The following ZNF354A variants were observed in gnomAD, a reference collection of about 807,000 sequenced individuals.
ZNF354A encodes zinc finger protein 354A.
Under a neutral mutation model 53.3 loss-of-function variants are expected in ZNF354A, and 25 were observed. The ratio of observed to expected loss-of-function variants is 0.47; its 90% CI spans 0.34 to 0.66. The LOEUF (loss-of-function observed/expected upper bound fraction) is 0.66, where lower values mean the gene tolerates loss of function less well. ZNF354A is among the 30% of genes least tolerant of loss of function. The pLI, the probability that ZNF354A is intolerant of heterozygous loss-of-function variation, is 0.01. For synonymous variants in ZNF354A, 228 were observed against 249.0 expected, an observed-to-expected ratio of 0.92 and a Z score of 0.79; for missense variants, 586 against 716.8, an observed-to-expected ratio of 0.82 and a Z score of 2.08.
chr5:178,712,217 G>C lies in ZNF354A; in HGVS notation c.1661C>G (p.Thr554Arg). The change falls in exon 5 of 5, where the codon ACA becomes AGA. Residue 554 changes from threonine to arginine, a missense_variant. Physicochemically the swap from Thr to Arg is moderately conservative, Grantham distance 71. This residue lies in a region of ZNF354A where 573 missense variants were observed against 680.1 expected (regional missense o/e 0.84). Transcript: ENST00000335815. ...GCTTTGTCTAAAAGTTTTTCCACAT[G>C]TATTACATTTAAAGGGTTTTTCTCC... is the stretch of plus-strand genomic sequence containing the variant. ...HTGEKPFKCN[T>R]CGKTFRQSSS... The C allele has an allele frequency of 6.2e-7, 1 of 1,613,926 alleles. No homozygotes were observed. Among genetic ancestry groups the C allele is most frequent in the East Asian group, 2.2e-5 (1 of 44,840 alleles).
chr5:178,727,110 C>T lies in ZNF354A; in HGVS notation c.49G>A (p.Glu17Lys), dbSNP rs772945110. Reference sequence around the variant, plus strand: ...CGGGTAAACAGCACAGCCACATCCTCAAACGTCAGTGACACCTGTAAGGAC... The same window carrying T: ...CGGGTAAACAGCACAGCCACATCCTTAAACGTCAGTGACACCTGTAAGGAC... The part of the protein sequence containing the change: ...EARPQVSLTF[E>K]DVAVLFTRDE... Residue 17 changes from glutamate (E) to lysine (K), a missense_variant, in exon 3 of 5, where the codon GAG becomes AAG. Glu to Lys is a moderately conservative substitution (Grantham distance 56). This residue lies in a region of ZNF354A where 13 missense variants were observed against 36.7 expected (regional missense o/e 0.35). Transcript: ENST00000335815. 1.9e-6 allele frequency: 3 copies of T among 1,613,782 alleles called. No homozygotes were observed. Among genetic ancestry groups the T allele is most frequent in the Non-Finnish European group, 2.5e-6 (3 of 1,179,840 alleles).
intron 4 of ZNF354A, among the ~76,000 whole-genome samples, chr5:178,715,960 G>A (rs542399728): frequency 2.0e-5 from 3 of 150,522 alleles, no homozygotes; most frequent in Non-Finnish European, 2.9e-5. Context: ...GCAGTGGCGC[G>A]ACCTCGGCTC....
At position 178,730,598 on chromosome 5, in the gene ZNF354A, G is replaced by T. The variant is rs1019737574; in HGVS notation, c.-94C>A. On this transcript the variant is annotated 5_prime_UTR_variant, in exon 1 of 5. Transcript: ENST00000335815. ...TCCCGGGCCGCGCCTCCCCAGCCGC[G>T]AGGCTCCGGAACCGCCGGCCGGGAT... 3.3e-5 allele frequency: 5 copies of T among 151,896 alleles called. No homozygotes were observed. Among genetic ancestry groups the T allele is most frequent in the Non-Finnish European group, 5.9e-5 (4 of 67,962 alleles). 9.4% of individuals were successfully genotyped at this position (151,896 alleles called of 1,614,324 possible).
intron 4 of ZNF354A, among the ~76,000 whole-genome samples, chr5:178,714,307 T>A (rs2113868923): frequency 6.6e-6 from 1 of 152,070 alleles, no homozygotes; most frequent in East Asian, 1.9e-4. Flanking sequence ...GCTCAGCCTT[T>A]ATATAATTAT....
rs1301603604 is a variant in ZNF354A at position 178,712,313 on chromosome 5, T to C, written c.1565A>G (p.Tyr522Cys). 2 of 1,614,152 alleles carry C rather than the reference T, an allele frequency of 1.2e-6. No homozygotes were observed. Among genetic ancestry groups the C allele is most frequent in the Non-Finnish European group, 1.7e-6 (2 of 1,180,006 alleles). The change falls in exon 5 of 5, where the codon TAT becomes TGT. Residue 522 changes from tyrosine to cysteine, a missense_variant. By Grantham distance (194) the Tyr-to-Cys change is radical (BLOSUM62 -2). This residue lies in a region of ZNF354A where 573 missense variants were observed against 680.1 expected (regional missense o/e 0.84). Coordinates refer to ENST00000335815, the MANE Select transcript of ZNF354A (RefSeq NM_005649.3). ...HQRIHTGEKP[Y>C]RCEECGISFG... is the part of the protein sequence containing the mutation. Reference sequence around the variant, plus strand: ...AGATATCCCACATTCCTCACATCGATATGGTTTCTCTCCAGTATGAATTCT... The same window carrying C: ...AGATATCCCACATTCCTCACATCGACATGGTTTCTCTCCAGTATGAATTCT...
chr5:178,716,490 G>A (rs1765718001), intron 4 of ZNF354A, among the ~76,000 whole-genome samples: 1 of 152,146 alleles, frequency 6.6e-6, no homozygotes, highest in East Asian at 1.9e-4. Flanking sequence ...TACTCATTAA[G>A]TGCCTACTAT....
chr5:178,726,600 T>G (rs757197082), intron 3 of ZNF354A, among the ~76,000 whole-genome samples: 1 of 152,166 alleles, frequency 6.6e-6, no homozygotes, highest in Non-Finnish European at 1.5e-5. Flanking sequence ...ATGCCCAGCC[T>G]ACATGGCTTT....
intron 4 of ZNF354A, among the ~76,000 whole-genome samples, chr5:178,722,709 G>A (rs1765833549): frequency 6.6e-6 from 1 of 152,158 alleles, no homozygotes; most frequent in South Asian, 2.1e-4. Flanking sequence ...TAGGTTCTTG[G>A]AAAACAGGAG....
At position 178,725,365 on chromosome 5, in the gene ZNF354A, C is replaced by T. The variant is rs200480186; in HGVS notation, c.256+11G>A. ...TCTGCGGCCATTCCGCACCTCGGGC[C>T]ACCCACTTACCTAGAGAGGAGACGC... is the stretch of plus-strand genomic sequence containing the variant. On this transcript the variant is annotated intron_variant, in intron 4 of 4. Coordinates refer to ENST00000335815, the MANE Select transcript of ZNF354A (RefSeq NM_005649.3). 1.9e-5 allele frequency: 30 copies of T among 1,613,044 alleles called. No homozygotes were observed. The African/African-American group carries it at 2.7e-4, about 14-fold the overall frequency.
intron 4 of ZNF354A, 23 bp from the exon 5 acceptor site, chr5:178,713,644 A>G: frequency 6.6e-7 from 1 of 1,524,656 alleles, no homozygotes; most frequent in Non-Finnish European, 8.7e-7. Context: ...AAAAAATCAA[A>G]AATGTTTCAT....
At chr5:178,730,403 G>A (rs112338073) in intron 1 of ZNF354A, among the ~76,000 whole-genome samples, 153 bp downstream of exon 1, 2 of 88,820 alleles carry the variant, frequency 2.3e-5, no homozygotes, top group South Asian at 4.7e-4. Context: ...GCGCCCCGCG[G>A]GGGGGCGAGA....
intron 3 of ZNF354A, chr5:178,726,108 C>G (rs1003389123): frequency 4.5e-6 from 2 of 445,874 alleles, no homozygotes; most frequent in African/African-American, 4.0e-5. Flanking sequence ...TCCCAAAGTG[C>G]TGGGATTACA....
chr5:178,714,297 G>A (rs1765678286), intron 4 of ZNF354A, among the ~76,000 whole-genome samples: 1 of 152,028 alleles, frequency 6.6e-6, no homozygotes, highest in African/African-American at 2.4e-5. Flanking sequence ...GAGCCACTGT[G>A]CTCAGCCTTT....
intron 4 of ZNF354A, among the ~76,000 whole-genome samples, chr5:178,721,515 C>CCCA (rs75989206): frequency 0.18 from 27,853 of 152,066 alleles, 2,837 homozygotes; most frequent in South Asian, 0.35. Flanking sequence ...TCTTGGTATT[C>CCCA]CCACCCACCT....
chr5:178,729,970 T>A (rs1554094922), intron 1 of ZNF354A, among the ~76,000 whole-genome samples: 1 of 151,492 alleles, frequency 6.6e-6, no homozygotes, highest in Non-Finnish European at 1.5e-5. Flanking sequence ...TTCACGCCAT[T>A]CTCCTGCCTC....
At position 178,713,497 on chromosome 5, in the gene ZNF354A, T is replaced by C. The variant is rs1765661707; in HGVS notation, c.381A>G (p.Ile127Met). ...GCTTTTTCTCTAATCTGCCTTCATA[T>C]ATGTAAGGCTTTTCTAATTTCAAAT... ...PWDLKLEKPY[I>M]YEGRLEKKQD... The change falls in exon 5 of 5, where the codon ATA becomes ATG. Residue 127 changes from isoleucine to methionine, a missense_variant. Ile to Met is a conservative substitution (Grantham distance 10, BLOSUM62 1). Around this residue, in one of 2 missense-constraint regions of ZNF354A, gnomAD observed 573 missense variants for 680.1 expected, o/e 0.84. Transcript: ENST00000335815. 1 of 1,613,766 alleles carries C rather than the reference T, an allele frequency of 6.2e-7. No homozygotes were observed. The highest frequency in any genetic ancestry group is 8.5e-7 in the Non-Finnish European group (1 of 1,180,002).
intron 4 of ZNF354A, among the ~76,000 whole-genome samples, chr5:178,724,374 C>T (rs1215167496): frequency 6.6e-6 from 1 of 151,908 alleles, no homozygotes; most frequent in Admixed American, 6.6e-5. Flanking sequence ...ACAGGCCTGC[C>T]CCACCACGCT....
rs1765649771 is a variant in ZNF354A, at chr5:178,712,998, C to T, written c.880G>A (p.Val294Met). The T allele has an allele frequency of 6.2e-7, 1 of 1,614,038 alleles. No individual in the cohort carries two copies. Among genetic ancestry groups the T allele is most frequent in the Non-Finnish European group, 8.5e-7 (1 of 1,180,032 alleles). The change falls in exon 5 of 5, where the codon GTG becomes ATG. Residue 294 changes from valine to methionine, a missense_variant. Val to Met is a conservative substitution (Grantham distance 21). Coordinates refer to ENST00000335815, the MANE Select transcript of ZNF354A (RefSeq NM_005649.3). ...TCTTTACATCTGTAGGATTTCTCCA[C>T]AGTATGGGTTCTTAGATGTTTATAA... ...SLYKHLRTHT[V>M]EKSYRCKECG...
chr5:178,721,233 T>C (rs1765806810), intron 4 of ZNF354A, among the ~76,000 whole-genome samples: 1 of 152,154 alleles, frequency 6.6e-6, no homozygotes, highest in African/African-American at 2.4e-5. Flanking sequence ...TTGGCGATGT[T>C]GTGCAGTCAT....
Sources: allele counts gnomAD v4.1 joint callset (sites outside exome capture counted in the v4.1 genomes callset), GRCh38; gene constraint gnomAD v4.1.1; regional missense constraint gnomAD v4.1.1; transcripts MANE v1.5; gene names NCBI Gene and HGNC (gene_info 2026-07-23, HGNC 2026-07-21).